The following UBE3C variants were observed in gnomAD, a reference collection of about 807,000 sequenced individuals.
UBE3C encodes ubiquitin protein ligase E3C.
In UBE3C, 42 loss-of-function variants were observed where a neutral mutation model predicts 129.4. The observed-to-expected ratio is 0.32, with a 90% CI of 0.25 to 0.42. The LOEUF (loss-of-function observed/expected upper bound fraction) is 0.42, where lower values mean the gene tolerates loss of function less well. Among genes scored for constraint, UBE3C ranks in the 10% least tolerant of loss-of-function variants. The probability of loss-of-function intolerance (pLI) is 1.00; values close to 1 mark genes in which losing one functional copy is unlikely to be tolerated. For missense variants in UBE3C, 1,049 were observed against 1,319.1 expected, an observed-to-expected ratio of 0.80 and a Z score of 3.17; for synonymous variants, 510 against 492.4, an observed-to-expected ratio of 1.04 and a Z score of -0.47.
rs1244983192 is a variant in UBE3C at position 157,139,203 on chromosome 7, C to G, written c.-70C>G. 1.1e-5 allele frequency: 13 copies of G among 1,228,712 alleles called. No homozygotes were observed. The African/African-American group carries it at 2.1e-4, about 20-fold the overall frequency. The allele number at this position is 1,228,712 out of a possible 1,614,324, so 76.1% of individuals were successfully genotyped here. A position where few individuals can be genotyped will look rare whatever the true frequency, so the allele number is the denominator to read the frequency against. On this transcript the variant is annotated 5_prime_UTR_variant, in exon 1 of 23. Coordinates refer to ENST00000348165, the MANE Select transcript of UBE3C (RefSeq NM_014671.3). ...CGGGCGGGCGCCGAGAGCCTCCCAG[C>G]CCGCCCCGTGCCCCGCCCGCCCGGC...
intron 17 of UBE3C, 117 bp from the exon 18 acceptor site, chr7:157,230,963 T>G (rs985457405): frequency 7.2e-7 from 1 of 1,385,762 alleles, no homozygotes; most frequent in East Asian, 2.3e-5. Flanking sequence ...TTGAGTCCTA[T>G]GTTAAAATGT....
At chr7:157,213,378 G>T (rs1809651578) in intron 13 of UBE3C, among the ~76,000 whole-genome samples, 1 of 152,266 alleles carries the variant, frequency 6.6e-6, no homozygotes, top group Non-Finnish European at 1.5e-5. Context: ...CAGACTAATT[G>T]AATTGGAGTC....
chr7:157,153,022 C>T (rs536287312), intron 1 of UBE3C, among the ~76,000 whole-genome samples: 3 of 152,210 alleles, frequency 2.0e-5, no homozygotes, highest in Admixed American at 2.0e-4. Context: ...ATGGCGAAAC[C>T]CTGTCTCTAC....
intron 6 of UBE3C, among the ~76,000 whole-genome samples, chr7:157,181,275 C>G (rs185660328): frequency 8.5e-5 from 13 of 152,242 alleles, no homozygotes; most frequent in African/African-American, 3.1e-4. Context: ...ATATCTTAGA[C>G]TTCCTTCCAA....
intron 17 of UBE3C, 52 bp downstream of exon 17, chr7:157,225,591 G>A: frequency 1.3e-6 from 2 of 1,494,822 alleles, no homozygotes; most frequent in Non-Finnish European, 1.8e-6. Context: ...CTAGGGAATT[G>A]TTTTAGAAAA....
chr7:157,227,748 C>G (rs943276268), intron 17 of UBE3C, among the ~76,000 whole-genome samples: 2 of 151,990 alleles, frequency 1.3e-5, no homozygotes, highest in African/African-American at 4.8e-5. Context: ...TTTGATGTTA[C>G]TGTCCAATTA....
chr7:157,165,133 A>C (rs997499684), intron 2 of UBE3C, among the ~76,000 whole-genome samples: 1 of 152,186 alleles, frequency 6.6e-6, no homozygotes. Flanking sequence ...CTGCTCAACC[A>C]AGAAAGATAT....
At chr7:157,197,215 C>A (rs1451086123) in intron 10 of UBE3C, among the ~76,000 whole-genome samples, 1 of 152,212 alleles carries the variant, frequency 6.6e-6, no homozygotes, top group South Asian at 2.1e-4. Context: ...CAAAAGATTT[C>A]TTAATGGCTG....
chr7:157,253,822 A>G, intron 19 of UBE3C, 132 bp from the exon 20 acceptor site: 1 of 841,784 alleles, frequency 1.2e-6, no homozygotes, highest in Non-Finnish European at 1.8e-6. Context: ...ATACTCGGGT[A>G]CTATTTCGTA....
At chr7:157,242,520 T>TG (rs1796360885) in intron 18 of UBE3C, among the ~76,000 whole-genome samples, 2 of 142,314 alleles carry the variant, frequency 1.4e-5, no homozygotes, top group African/African-American at 5.5e-5. Context: ...AGTTGTTTTT[T>TG]TTTTTTTTTT....
In UBE3C at chr7:157,231,272, T is replaced by C; in HGVS notation, c.2426T>C (p.Leu809Pro). 7 of 1,614,172 alleles carry C rather than the reference T, an allele frequency of 4.3e-6. No homozygotes were observed. Among genetic ancestry groups the C allele is most frequent in the Non-Finnish European group, 5.9e-6 (7 of 1,180,040 alleles). ...TACCCCAACCCGGCTGCTCAGATGC[T>C]TGTGGGAGATTCTTTTGCCAGACAT... ...LLYPNPAAQM[L>P]VGDSFARHYY... is the part of the protein sequence containing the mutation. Residue 809 changes from leucine (L) to proline (P), a missense_variant, in exon 18 of 23, where the codon CTT (leucine) becomes CCT (proline). Physicochemically the swap from Leu to Pro is moderately conservative, Grantham distance 98. Transcript: ENST00000348165.
chr7:157,259,211 G>A (rs547706253), intron 22 of UBE3C, among the ~76,000 whole-genome samples: 4 of 152,260 alleles, frequency 2.6e-5, no homozygotes, highest in African/African-American at 9.6e-5. Flanking sequence ...GCGGAGCCCC[G>A]CAGTCACGTT....
rs538995473 is a variant in UBE3C, at chr7:157,247,024, G to C, written c.2482-1344G>C. Among the ~76,000 whole-genome samples the C allele has an allele frequency of 4.1e-4, 63 of 152,232 alleles. No individual in the cohort carries two copies. In the South Asian group the frequency reaches 0.013, roughly 31 times the overall value. ...TCCTGCCTCAGCCTCCCAAGTAGCT[G>C]GGATTATAGGCATATGCCACCACAC... On this transcript the variant is annotated intron_variant, in intron 18 of 22. Transcript: ENST00000348165.
rs879682145 is a variant in UBE3C at position 157,181,434 on chromosome 7, G to A, written c.617-84G>A. ...ACTTAAGTTTGGACCTGTAGAGATG[G>A]TTAAAAGCATTTAAAAATTGGCAAG... On this transcript the variant is annotated intron_variant, in intron 6 of 22. Transcript: ENST00000348165. 28 of 1,280,312 alleles carry A rather than the reference G, an allele frequency of 2.2e-5. 1 individual carries two copies. Among genetic ancestry groups the A allele is most frequent in the African/African-American group, 6.1e-5 (4 of 65,806 alleles). 79.3% of individuals were successfully genotyped at this position (1,280,312 alleles called of 1,614,324 possible).
rs1808337093 is a variant in UBE3C, at chr7:157,170,464, A to G, written c.342+14A>G. On this transcript the variant is annotated intron_variant, in intron 4 of 22. Transcript: ENST00000348165. ...TCAAAACGTTTGGTGAGTGTTAACT[A>G]CATTTTCACTTGTCCTCGTTTACAC... The G allele has an allele frequency of 6.6e-7, 1 of 1,517,670 alleles. No individual in the cohort carries two copies. The highest frequency in any genetic ancestry group is 2.5e-5 in the East Asian group (1 of 40,716). The allele number at this position is 1,517,670 out of a possible 1,614,324, so 94.0% of individuals were successfully genotyped here.
chr7:157,237,347 A>G (rs924361975), intron 18 of UBE3C, among the ~76,000 whole-genome samples: 2 of 152,078 alleles, frequency 1.3e-5, no homozygotes, highest in African/African-American at 2.4e-5. Flanking sequence ...AGGCTGAGGC[A>G]GGAGAATGGC....
At chr7:157,220,639 AGT>A in intron 14 of UBE3C, 48 bp from the exon 15 acceptor site, 1 of 1,603,324 alleles carries the variant, frequency 6.2e-7, no homozygotes, top group Non-Finnish European at 8.5e-7. Context: ...ATCAGGTCAA[AGT>A]GTGTGCTAGA....
intron 18 of UBE3C, among the ~76,000 whole-genome samples, chr7:157,239,847 C>A (rs964119084): frequency 6.6e-6 from 1 of 152,184 alleles, no homozygotes; most frequent in Non-Finnish European, 1.5e-5. Flanking sequence ...GGTAGAGGAA[C>A]ACTGGGTGCA....
At chr7:157,234,521 G>A (rs1409699079) in intron 18 of UBE3C, among the ~76,000 whole-genome samples, 1 of 152,222 alleles carries the variant, frequency 6.6e-6, no homozygotes, top group Non-Finnish European at 1.5e-5. Flanking sequence ...CCGCAGCCTT[G>A]TTAAGCAGGG....
Sources: allele counts gnomAD v4.1 joint callset (sites outside exome capture counted in the v4.1 genomes callset), GRCh38; gene constraint gnomAD v4.1.1; transcripts MANE v1.5; gene names NCBI Gene and HGNC (gene_info 2026-07-23, HGNC 2026-07-21).